Variants in SERPINB5 observed in about 807,000 individuals in gnomAD.
SERPINB5 encodes the protein serpin family B member 5, also known as serpin B5.
In SERPINB5, 27 loss-of-function variants were observed where a neutral mutation model predicts 32.2. The ratio of observed to expected loss-of-function variants is 0.84; its 90% CI spans 0.62 to 1.16. The LOEUF (loss-of-function observed/expected upper bound fraction) is 1.16, where lower values mean the gene tolerates loss of function less well. Among genes scored for constraint, SERPINB5 ranks in the 50% most tolerant of loss-of-function variants. The pLI is 0.00. For synonymous variants in SERPINB5, 154 were observed against 157.4 expected (o/e 0.98, Z 0.16); for missense variants, 388 against 436.3 (o/e 0.89, Z 0.99).
At chr18:63,499,997 C>CTATTAT (rs71162648) in intron 6 of SERPINB5, among the ~76,000 whole-genome samples, 121 of 149,762 alleles carry the variant, frequency 8.1e-4, no homozygotes, top group South Asian at 1.9e-3. Flanking sequence ...TGACATATTA[C>CTATTAT]TATTATTATT....
chr18:63,499,277 G>C lies in SERPINB5; in HGVS notation c.725G>C (p.Gly242Ala). 6.4e-7 allele frequency: 1 copy of C among 1,568,344 alleles called. No homozygotes were observed. The highest frequency in any genetic ancestry group is 8.6e-7 in the Non-Finnish European group (1 of 1,156,276). The change falls in exon 6 of 7, where the codon GGC becomes GCC. Residue 242 changes from glycine (G) to alanine (A), a missense_variant. Physicochemically the swap from Gly to Ala is moderately conservative, Grantham distance 60. Coordinates refer to ENST00000382771, the MANE Select transcript of SERPINB5 (RefSeq NM_002639.5). The stretch of plus-strand genomic sequence containing the variant: ...AAGGATGTGGAGGATGAGTCCACAG[G>C]CTTGGAGAAGGTAAGGAGAAGGCAG... Reference protein sequence around the residue: ...LPKDVEDESTGLEKIEKQLNS... With the variant: ...LPKDVEDESTALEKIEKQLNS...
intron 1 of SERPINB5, among the ~76,000 whole-genome samples, chr18:63,479,406 G>A (rs1398183456): frequency 6.6e-6 from 1 of 152,192 alleles, no homozygotes; most frequent in Admixed American, 6.5e-5. Context: ...TATAAGTCTA[G>A]AGAAGTGAGC....
chr18:63,497,243 G>GC, intron 5 of SERPINB5: 1 of 852,708 alleles, frequency 1.2e-6, no homozygotes, highest in South Asian at 1.3e-5. Context: ...TCAGGGGCTA[G>GC]CATTGGAATA....
At chr18:63,480,214 C>T (rs1017055877) in intron 1 of SERPINB5, among the ~76,000 whole-genome samples, 6 of 152,178 alleles carry the variant, frequency 3.9e-5, no homozygotes, top group African/African-American at 1.4e-4. Flanking sequence ...GCACAGATTG[C>T]GAAAGCAAGG....
chr18:63,490,980 C>T (rs1247945910), intron 4 of SERPINB5, among the ~76,000 whole-genome samples: 2 of 152,198 alleles, frequency 1.3e-5, no homozygotes, highest in African/African-American at 4.8e-5. Context: ...CACCTCCTTC[C>T]ACTCTTCCCC....
chr18:63,492,859 T>C (rs1347821749), intron 4 of SERPINB5, 94 bp from the exon 5 acceptor site: 8 of 1,468,324 alleles, frequency 5.4e-6, no homozygotes, highest in East Asian at 2.3e-5. Context: ...TGTGACTCCA[T>C]GAAGTGGTAA....
intron 6 of SERPINB5, among the ~76,000 whole-genome samples, chr18:63,501,612 C>T (rs7231828): frequency 0.64 from 97,999 of 151,980 alleles, 31,892 homozygotes; most frequent in African/African-American, 0.71. Context: ...CCTTGAGGAA[C>T]TGCCACACTG....
chr18:63,489,070 A>C (rs568471111), intron 3 of SERPINB5, among the ~76,000 whole-genome samples: 4 of 152,218 alleles, frequency 2.6e-5, no homozygotes, highest in Non-Finnish European at 4.4e-5. Context: ...TACAACCCAT[A>C]AGAGAATTGG....
intron 1 of SERPINB5, among the ~76,000 whole-genome samples, chr18:63,479,338 C>T (rs1023365992): frequency 1.3e-5 from 2 of 152,112 alleles, no homozygotes; most frequent in Non-Finnish European, 2.9e-5. Flanking sequence ...ATGTGAGGAC[C>T]ATTGGCTCAG....
rs1332323055 is a variant in SERPINB5, at chr18:63,503,347, C to T, written c.753C>T (p.Asn251=). Residue 251 remains asparagine (N), a synonymous_variant, in exon 7 of 7, where the codon AAC becomes AAT. Coordinates refer to ENST00000382771, the MANE Select transcript of SERPINB5 (RefSeq NM_002639.5). ...TCCTTCAGATTGAAAAACAACTCAA[C>T]TCAGAGTCACTGTCACAGTGGACTA... ...TGLEKIEKQL[N]SESLSQWTNP... is the part of the protein sequence containing the mutation. 2.5e-6 allele frequency: 4 copies of T among 1,612,980 alleles called. No homozygotes were observed. The highest frequency in any genetic ancestry group is 2.2e-5 in the East Asian group (1 of 44,888).
chr18:63,497,231 G>T (rs1909466221), intron 5 of SERPINB5: 7 of 787,344 alleles, frequency 8.9e-6, no homozygotes, highest in South Asian at 7.9e-5. Context: ...GGTGTGGTTG[G>T]TTCAGGGGCT....
intron 3 of SERPINB5, 46 bp downstream of exon 3, chr18:63,487,129 G>A (rs1161157432): frequency 6.3e-7 from 1 of 1,592,512 alleles, no homozygotes; most frequent in Admixed American, 1.7e-5. Context: ...TTTACAAGGA[G>A]TGGCATTTTC....
At chr18:63,500,358 T>G (rs1909545947) in intron 6 of SERPINB5, among the ~76,000 whole-genome samples, 1 of 151,876 alleles carries the variant, frequency 6.6e-6, no homozygotes, top group Admixed American at 6.6e-5. Flanking sequence ...CCACCACACC[T>G]GGCCTTCACA....
At chr18:63,484,739 ATCTTTT>A (rs1466351499) in intron 2 of SERPINB5, 143 bp downstream of exon 2, 2,085 of 144,840 alleles carry the variant, frequency 0.014, 45 homozygotes, top group African/African-American at 0.099. Context: ...GACTCTCTTA[ATCTTTT>A]TTTTTTTTTT....
intron 1 of SERPINB5, among the ~76,000 whole-genome samples, chr18:63,477,609 C>T (rs897738941): frequency 4.6e-5 from 7 of 152,136 alleles, no homozygotes; most frequent in East Asian, 1.9e-4. Context: ...TTCTTCTAAG[C>T]GGAAATTATT....
chr18:63,479,352 CA>C (rs1917088473), intron 1 of SERPINB5, among the ~76,000 whole-genome samples: 1 of 152,098 alleles, frequency 6.6e-6, no homozygotes, highest in African/African-American at 2.4e-5. Flanking sequence ...GGCTCAGATG[CA>C]TAAAAAACTT....
chr18:63,502,106 A>G (rs1237098984), intron 6 of SERPINB5, among the ~76,000 whole-genome samples: 1 of 151,836 alleles, frequency 6.6e-6, no homozygotes. Flanking sequence ...GTATAGAACT[A>G]AAGAAAATGA....
chr18:63,503,605 A>C lies in SERPINB5; in HGVS notation c.1011A>C (p.Pro337=), dbSNP rs915677377. The change falls in exon 7 of 7, where the codon CCA becomes CCC. Residue 337 remains proline, a synonymous_variant. Transcript: ENST00000382771. ...ATGGTGGGGATTCCATAGAGGTGCC[A>C]GGAGCACGGATCCTGCAGCACAAGG... is the stretch of plus-strand genomic sequence containing the variant. ...TEDGGDSIEV[P]GARILQHKDE... 6.2e-7 allele frequency: 1 copy of C among 1,614,136 alleles called. No homozygotes were observed. Among genetic ancestry groups the C allele is most frequent in the Non-Finnish European group, 8.5e-7 (1 of 1,180,044 alleles).
At chr18:63,486,828 G>C (rs987882479) in intron 2 of SERPINB5, 118 bp from the exon 3 acceptor site, 3 of 1,011,754 alleles carry the variant, frequency 3.0e-6, no homozygotes, top group Non-Finnish European at 4.4e-6. Context: ...CTTACTTTAC[G>C]GGAACTAGGC....
Sources: gnomAD v4.1 joint callset for allele counts (sites outside exome capture counted in the v4.1 genomes callset) on GRCh38, gnomAD v4.1.1 for gene constraint, MANE v1.5 for transcripts, NCBI Gene and HGNC (gene_info 2026-07-23, HGNC 2026-07-21) for gene names.